Variants in KCND3 observed in about 807,000 individuals in gnomAD.
KCND3 encodes the protein potassium voltage-gated channel subfamily D member 3, also known as A-type voltage-gated potassium channel KCND3.
KCND3 carries 9 observed loss-of-function variants against 51.1 expected under a neutral mutation model. The observed-to-expected ratio is 0.18, with a 90% CI of 0.11 to 0.31. KCND3 has a LOEUF of 0.31. Among genes scored for constraint, KCND3 ranks in the 10% least tolerant of loss-of-function variants. KCND3 has a pLI of 1.00. For synonymous variants in KCND3, 349 were observed against 368.0 expected (o/e 0.95, Z 0.59); for missense variants, 526 against 903.8 (o/e 0.58, Z 5.36).
intron 2 of KCND3, among the ~76,000 whole-genome samples, chr1:111,860,027 C>T (rs993868521): frequency 8.5e-5 from 13 of 152,170 alleles, no homozygotes; most frequent in African/African-American, 3.1e-4. Context: ...AGGAACGATC[C>T]TGAGGTCATA....
chr1:111,963,600 CT>C (rs1673791644), intron 2 of KCND3, among the ~76,000 whole-genome samples: 1 of 152,208 alleles, frequency 6.6e-6, no homozygotes, highest in Non-Finnish European at 1.5e-5. Context: ...ACAGACAGTC[CT>C]GCCAAGGTCC....
In KCND3 at chr1:111,772,226, T is replaced by C. The variant is rs1256838025; in HGVS notation, c.*3851A>G. The C allele has an allele frequency of 6.6e-6, 1 of 152,182 alleles. No homozygotes were observed. The highest frequency in any genetic ancestry group is 1.5e-5 in the Non-Finnish European group (1 of 68,032). 9.4% of individuals were successfully genotyped at this position (152,182 alleles called of 1,614,324 possible). On this transcript the variant is annotated 3_prime_UTR_variant, in exon 8 of 8. Transcript: ENST00000302127. ...ACCACAAGGAGTATAAAAGGTATGC[T>C]TCAAAATGTCACTGTCCTAGTCTTC...
At chr1:111,844,709 C>T (rs1212095242) in intron 2 of KCND3, among the ~76,000 whole-genome samples, 1 of 152,202 alleles carries the variant, frequency 6.6e-6, no homozygotes, top group African/African-American at 2.4e-5. Context: ...CCCACCTCTC[C>T]ATGTTTGGCA....
intron 2 of KCND3, among the ~76,000 whole-genome samples, chr1:111,936,446 G>A (rs1672226239): frequency 6.6e-6 from 1 of 152,210 alleles, no homozygotes; most frequent in Non-Finnish European, 1.5e-5. Flanking sequence ...AAGGATAAAG[G>A]CACAGTGACC....
chr1:111,812,170 GGACAGCTGATCTTCACC>G (rs1665884248), intron 2 of KCND3, among the ~76,000 whole-genome samples: 1 of 152,182 alleles, frequency 6.6e-6, no homozygotes, highest in Non-Finnish European at 1.5e-5. Flanking sequence ...GGAAGGGCCT[GGACAGCTGATCTTCACC>G]GACAGTGATG....
At chr1:111,776,860 G>A (rs1201512245) in intron 7 of KCND3, among the ~76,000 whole-genome samples, 166 bp downstream of exon 7, 1 of 151,888 alleles carries the variant, frequency 6.6e-6, no homozygotes, top group Non-Finnish European at 1.5e-5. Flanking sequence ...AGCATATGAA[G>A]GGCCTTTGGG....
At chr1:111,812,675 C>T (rs953153586) in intron 2 of KCND3, among the ~76,000 whole-genome samples, 12 of 152,172 alleles carry the variant, frequency 7.9e-5, no homozygotes, top group South Asian at 2.1e-4. Flanking sequence ...GCTTAATAAC[C>T]TCTCTGGAAT....
rs1671031430 is a variant in KCND3 at position 111,912,882 on chromosome 1, A to ATC, written c.1106+68738_1106+68739insGA. 3.3e-5 allele frequency among the ~76,000 whole-genome samples: 5 copies of ATC among 152,254 alleles called. No individual in the cohort carries two copies. The South Asian group carries it at 1.0e-3, about 31-fold the overall frequency. On this transcript the variant is annotated intron_variant, in intron 2 of 7. Coordinates refer to ENST00000302127, the MANE Select transcript of KCND3 (RefSeq NM_001378969.1). ...AGTCAAAAAGTTACAAAAATTAAAAAGTTTCTAAAGTAAAAAAGTTACAGT... is the reference window on the plus strand; with the variant it reads ...AGTCAAAAAGTTACAAAAATTAAAAATCGTTTCTAAAGTAAAAAAGTTACAGT...
intron 2 of KCND3, among the ~76,000 whole-genome samples, chr1:111,819,060 A>C (rs1666233825): frequency 6.6e-6 from 1 of 152,176 alleles, no homozygotes; most frequent in Non-Finnish European, 1.5e-5. Context: ...CAGTGGCACC[A>C]TCACAGTCAT....
chr1:111,967,084 G>A (rs1478499323), intron 2 of KCND3, among the ~76,000 whole-genome samples: 1 of 150,008 alleles, frequency 6.7e-6, no homozygotes, highest in African/African-American at 2.5e-5. Context: ...AGATTGCAGT[G>A]AGCCGAGATC....
intron 2 of KCND3, among the ~76,000 whole-genome samples, chr1:111,969,254 G>C (rs1674192934): frequency 6.6e-6 from 1 of 152,072 alleles, no homozygotes; most frequent in Non-Finnish European, 1.5e-5. Context: ...CGTCCATTCT[G>C]TGTCCACCCT....
intron 2 of KCND3, among the ~76,000 whole-genome samples, chr1:111,932,193 G>GT (rs1317972488): frequency 6.6e-6 from 1 of 152,124 alleles, no homozygotes; most frequent in Non-Finnish European, 1.5e-5. Flanking sequence ...CTTTCTTAAG[G>GT]TCAGCTGACT....
chr1:111,972,300 G>A (rs1057205120), intron 2 of KCND3, among the ~76,000 whole-genome samples: 17 of 148,148 alleles, frequency 1.1e-4, no homozygotes, highest in Non-Finnish European at 2.1e-4. Context: ...AGCCTCCCAA[G>A]TAGCTGGGAC....
Position 111,981,027 on chromosome 1 carries a change from G to A in KCND3, c.1106+594C>T, listed in dbSNP as rs183325010. Among the ~76,000 whole-genome samples the A allele has an allele frequency of 2.7e-3, 409 of 152,296 alleles. 4 individuals are homozygous for A. Among genetic ancestry groups the A allele is most frequent in the African/African-American group, 8.6e-3 (357 of 41,562 alleles). On this transcript the variant is annotated intron_variant, in intron 2 of 7. Coordinates refer to ENST00000302127, the MANE Select transcript of KCND3 (RefSeq NM_001378969.1). This position sits in a 1 kb window ranked among gnomAD's most constrained non-coding sequence, Gnocchi z 6.2. ...AAGAATAAACCACGTGCCTTACTGC[G>A]AAAAATCCAGGTTCAGAGTCACTTA...
chr1:111,871,752 G>A (rs989570487), intron 2 of KCND3, among the ~76,000 whole-genome samples: 1 of 152,200 alleles, frequency 6.6e-6, no homozygotes, highest in African/African-American at 2.4e-5. Flanking sequence ...AAGAGTCAAG[G>A]ATGATCCTTG....
intron 2 of KCND3, among the ~76,000 whole-genome samples, chr1:111,838,606 G>A (rs488299): frequency 0.65 from 98,562 of 151,612 alleles, 32,369 homozygotes; most frequent in Non-Finnish European, 0.67. Context: ...GCAGTGAGCC[G>A]AGATCGCACC....
intron 1 of KCND3, among the ~76,000 whole-genome samples, 127 bp downstream of exon 1, chr1:111,989,378 C>A (rs1675506476): frequency 6.6e-6 from 1 of 152,110 alleles, no homozygotes; most frequent in Non-Finnish European, 1.5e-5. Flanking sequence ...ATCCTTCCGG[C>A]GCCCCAGCGC....
At chr1:111,938,689 A>C (rs1376463843) in intron 2 of KCND3, among the ~76,000 whole-genome samples, 2 of 152,190 alleles carry the variant, frequency 1.3e-5, no homozygotes, top group African/African-American at 4.8e-5. Flanking sequence ...GCAACTGCAA[A>C]GGCCCTGAGG....
intron 2 of KCND3, among the ~76,000 whole-genome samples, chr1:111,896,111 G>A (rs1365377382): frequency 6.6e-6 from 1 of 152,244 alleles, no homozygotes; most frequent in Non-Finnish European, 1.5e-5. Flanking sequence ...GGAGGCAGGT[G>A]TGACCAGCCC....
Sources: gnomAD v4.1 joint callset for allele counts (sites outside exome capture counted in the v4.1 genomes callset) on GRCh38, gnomAD v4.1.1 for gene constraint, Gnocchi (gnomAD v3.1) non-coding constraint, MANE v1.5 for transcripts, NCBI Gene and HGNC (gene_info 2026-07-23, HGNC 2026-07-21) for gene names.